Variants in AKAP19 observed in about 807,000 individuals in gnomAD.
AKAP19 encodes the protein small A-kinase anchoring protein.
At chr2:190,190,644 G>A in the AKAP19 span, among the ~76,000 whole-genome samples, 4 of 152,224 alleles carry the variant, frequency 2.6e-5, no homozygotes, top group East Asian at 7.7e-4. Flanking sequence ...TCTTTAAAAT[G>A]GTTGTACCAT....
the AKAP19 span, among the ~76,000 whole-genome samples, chr2:190,011,643 G>T: frequency 1.2e-4 from 19 of 152,192 alleles, no homozygotes; most frequent in African/African-American, 4.1e-4. Context: ...TCATTTTTCT[G>T]TATATGGATA....
chr2:190,118,118 T>A, the AKAP19 span, among the ~76,000 whole-genome samples: 4 of 152,096 alleles, frequency 2.6e-5, no homozygotes, highest in Admixed American at 2.6e-4. Flanking sequence ...AAAATCTAGA[T>A]GAAATGGATA....
At chr2:190,157,535 T>C in the AKAP19 span, among the ~76,000 whole-genome samples, 1 of 152,206 alleles carries the variant, frequency 6.6e-6, no homozygotes, top group Non-Finnish European at 1.5e-5. Context: ...TTCATAAAGC[T>C]ATGTATAAAG....
chr2:190,146,451 G>C, the AKAP19 span, among the ~76,000 whole-genome samples: 22 of 152,150 alleles, frequency 1.4e-4, no homozygotes, highest in African/African-American at 4.8e-4. Context: ...GAATTGTGCC[G>C]CTATAAACAT....
the AKAP19 span, among the ~76,000 whole-genome samples, chr2:190,061,540 G>T: frequency 1.4e-4 from 22 of 152,084 alleles, no homozygotes; most frequent in Admixed American, 1.2e-3. Context: ...CAAGGTACAA[G>T]GAGGACTTTG....
the AKAP19 span, chr2:190,200,130 T>TGA: frequency 1.2e-6 from 2 of 1,613,784 alleles, no homozygotes; most frequent in East Asian, 4.5e-5. Flanking sequence ...TTCCATACAT[T>TGA]GAGAGTGAGG....
At chr2:189,979,872 C>A in the AKAP19 span, among the ~76,000 whole-genome samples, 2 of 152,120 alleles carry the variant, frequency 1.3e-5, no homozygotes, top group East Asian at 3.8e-4. Flanking sequence ...TGATGAGATA[C>A]CATCTTCTAC....
At chr2:189,896,697 A>G in the AKAP19 span, among the ~76,000 whole-genome samples, 2 of 152,078 alleles carry the variant, frequency 1.3e-5, no homozygotes, top group Non-Finnish European at 2.9e-5. Flanking sequence ...TTCAGTCTCT[A>G]ATTAATTGAA....
At chr2:190,083,897 G>T in the AKAP19 span, among the ~76,000 whole-genome samples, 1 of 152,060 alleles carries the variant, frequency 6.6e-6, no homozygotes, top group Non-Finnish European at 1.5e-5. Flanking sequence ...TACCTTGCTT[G>T]TTGAAGTCAC....
At chr2:190,007,516 T>G in the AKAP19 span, among the ~76,000 whole-genome samples, 1 of 152,236 alleles carries the variant, frequency 6.6e-6, no homozygotes, top group Non-Finnish European at 1.5e-5. Flanking sequence ...AGGATGTTTT[T>G]AATTTAGATA....
the AKAP19 span, among the ~76,000 whole-genome samples, chr2:189,971,349 T>C: frequency 6.6e-6 from 1 of 152,216 alleles, no homozygotes; most frequent in Non-Finnish European, 1.5e-5. Context: ...TTTCATGGTG[T>C]ATATGTGCCA....
the AKAP19 span, among the ~76,000 whole-genome samples, chr2:190,192,854 T>C: frequency 3.3e-5 from 5 of 152,292 alleles, no homozygotes; most frequent in South Asian, 8.3e-4. Context: ...ATATGTCACT[T>C]TTATATGTTA....
chr2:189,882,672 C>T, the AKAP19 span, among the ~76,000 whole-genome samples: 1 of 152,218 alleles, frequency 6.6e-6, no homozygotes, highest in South Asian at 2.1e-4. Flanking sequence ...AGAAGGATGA[C>T]TTTCTGTCCG....
chr2:190,074,347 G>C, the AKAP19 span, among the ~76,000 whole-genome samples: 203 of 152,064 alleles, frequency 1.3e-3, 2 homozygotes, highest in African/African-American at 4.5e-3. Context: ...AGTTTTGAAA[G>C]AAGAATTTAA....
the AKAP19 span, among the ~76,000 whole-genome samples, chr2:189,925,062 C>T: frequency 6.6e-6 from 1 of 152,090 alleles, no homozygotes; most frequent in African/African-American, 2.4e-5. Context: ...GGGGGTTTCG[C>T]CTCACATTTC....
At chr2:190,065,483 A>G in the AKAP19 span, among the ~76,000 whole-genome samples, 1 of 152,186 alleles carries the variant, frequency 6.6e-6, no homozygotes, top group Admixed American at 6.6e-5. Flanking sequence ...AAAGGCTGTG[A>G]TATGCCTAAG....
chr2:190,132,028 A>G, the AKAP19 span, among the ~76,000 whole-genome samples: 1 of 152,190 alleles, frequency 6.6e-6, no homozygotes, highest in African/African-American at 2.4e-5. Context: ...TATACTAACA[A>G]CGAGCTATCT....
the AKAP19 span, chr2:190,079,854 GGGGTGTGTGT>G: frequency 6.1e-5 from 4 of 65,510 alleles, no homozygotes; most frequent in African/African-American, 2.4e-4. Context: ...GGAAAAATGA[GGGGTGTGTGT>G]GTGTGTGTGT....
At chr2:190,056,984 C>A in the AKAP19 span, 1 of 364,964 alleles carries the variant, frequency 2.7e-6, no homozygotes, top group South Asian at 4.2e-5. Context: ...ATTTCCTCGC[C>A]GATGTTGTAA....
Sources: allele counts gnomAD v4.1 joint callset (sites outside exome capture counted in the v4.1 genomes callset), GRCh38; gene constraint gnomAD v4.1.1; transcripts MANE v1.5; gene names NCBI Gene and HGNC (gene_info 2026-07-23, HGNC 2026-07-21).